Variants in ATP2B2 observed in about 807,000 individuals in gnomAD.
ATP2B2 encodes plasma membrane calcium-transporting ATPase 2.
ATP2B2 carries 15 observed loss-of-function variants against 120.0 expected under a neutral mutation model. The observed-to-expected ratio is 0.12, with a 90% CI of 0.08 to 0.19. The LOEUF is 0.19. ATP2B2 is among the 10% of genes least tolerant of loss of function. ATP2B2 has a pLI of 1.00. For synonymous variants in ATP2B2, 694 were observed against 700.3 expected, an observed-to-expected ratio of 0.99 and a Z score of 0.14; for missense variants, 1,045 against 1,719.8, an observed-to-expected ratio of 0.61 and a Z score of 6.94.
intron 1 of ATP2B2, among the ~76,000 whole-genome samples, chr3:10,473,307 G>A (rs1251982253): frequency 1.3e-5 from 2 of 152,198 alleles, no homozygotes; most frequent in East Asian, 3.8e-4. Context: ...CTCTGCACTT[G>A]CTTCTGTTAG....
rs549144948 is a variant in ATP2B2 at position 10,489,120 on chromosome 3, C to T, written c.-320+16345G>A. Among the ~76,000 whole-genome samples, 85 of 152,336 alleles carry T rather than the reference C, an allele frequency of 5.6e-4. 3 individuals are homozygous for T. The South Asian group carries it at 0.017, about 31-fold the overall frequency. On this transcript the variant is annotated intron_variant, in intron 1 of 22. Transcript: ENST00000360273. ...TGGCCATTCCTTAGTCTGAAACCCTCGCCCCAAACAGCCATGAGGCTCCCT... is the reference window on the plus strand; with the variant it reads ...TGGCCATTCCTTAGTCTGAAACCCTTGCCCCAAACAGCCATGAGGCTCCCT...
chr3:10,449,239 T>C, intron 2 of ATP2B2, 106 bp downstream of exon 2: 1 of 1,288,282 alleles, frequency 7.8e-7, no homozygotes, highest in Non-Finnish European at 1.1e-6. Flanking sequence ...TTTCAGCCTT[T>C]CTCTGACACA....
At chr3:10,669,839 T>C (rs1162937831) in intron 1 of ATP2B2, among the ~76,000 whole-genome samples, 3 of 152,158 alleles carry the variant, frequency 2.0e-5, no homozygotes, top group Non-Finnish European at 2.9e-5. Context: ...AGCTGCTCTG[T>C]AAATTTGTGT....
At chr3:10,602,573 G>C (rs2068953509) in intron 2 of ATP2B2, among the ~76,000 whole-genome samples, 1 of 152,206 alleles carries the variant, frequency 6.6e-6, no homozygotes, top group African/African-American at 2.4e-5. Flanking sequence ...ATCATAGGAT[G>C]ATTTTTATTT....
At chr3:10,594,047 C>T (rs2068704926) in intron 2 of ATP2B2, among the ~76,000 whole-genome samples, 1 of 152,138 alleles carries the variant, frequency 6.6e-6, no homozygotes, top group South Asian at 2.1e-4. Flanking sequence ...GAATGGCGTT[C>T]ATTAAAAAGT....
chr3:10,372,145 G>C (rs1321588145), intron 11 of ATP2B2, 94 bp from the exon 12 acceptor site: 1 of 1,557,898 alleles, frequency 6.4e-7, no homozygotes, highest in African/African-American at 1.4e-5. Context: ...CAGTAAATAA[G>C]GCAGAGCCAC....
At chr3:10,649,619 A>C (rs2125663144) in intron 1 of ATP2B2, among the ~76,000 whole-genome samples, 1 of 152,290 alleles carries the variant, frequency 6.6e-6, no homozygotes, top group South Asian at 2.1e-4. Context: ...GGATGGGTGA[A>C]TGGACAGATG....
chr3:10,585,505 A>AAAAAAAAAAAAAG (rs2068489211), intron 2 of ATP2B2, among the ~76,000 whole-genome samples: 1 of 149,150 alleles, frequency 6.7e-6, no homozygotes, highest in Non-Finnish European at 1.5e-5. Flanking sequence ...AAAAAAAAAA[A>AAAAAAAAAAAAAG]AAAAAAAAAA....
intron 2 of ATP2B2, among the ~76,000 whole-genome samples, chr3:10,606,920 GAGAGAGAGAGAGAGAGA>G (rs2069090318): frequency 3.2e-5 from 2 of 62,152 alleles, no homozygotes; most frequent in Non-Finnish European, 7.0e-5. Context: ...CACAGAGAGA[GAGAGAGAGAGAGAGAGA>G]GGGAGAGGGA....
chr3:10,659,881 TTA>T (rs200275254), intron 1 of ATP2B2, among the ~76,000 whole-genome samples: 33,131 of 151,132 alleles, frequency 0.22, 6,050 homozygotes, highest in African/African-American at 0.5. Context: ...ATAACAGAAA[TTA>T]TATAACAAAC....
intron 2 of ATP2B2, among the ~76,000 whole-genome samples, chr3:10,573,543 G>C (rs1196293116): frequency 6.6e-6 from 1 of 152,122 alleles, no homozygotes; most frequent in Non-Finnish European, 1.5e-5. Flanking sequence ...ATTTCTGGGG[G>C]AGCTTGTTGA....
intron 2 of ATP2B2, among the ~76,000 whole-genome samples, chr3:10,438,936 G>A (rs1347886697): frequency 6.6e-6 from 1 of 152,346 alleles, no homozygotes; most frequent in South Asian, 2.1e-4. Context: ...CTGGGCTTCT[G>A]GGAGCTAGAG....
At chr3:10,630,341 A>T (rs554742231) in intron 1 of ATP2B2, among the ~76,000 whole-genome samples, 1 of 152,006 alleles carries the variant, frequency 6.6e-6, no homozygotes, top group African/African-American at 2.4e-5. Flanking sequence ...AAGAGGTCCC[A>T]GTGTCTGTTG....
chr3:10,360,350 T>A (rs2060862687), intron 12 of ATP2B2, among the ~76,000 whole-genome samples: 1 of 152,236 alleles, frequency 6.6e-6, no homozygotes, highest in East Asian at 1.9e-4. Flanking sequence ...TTAAAAAAAT[T>A]ATGAATTATT....
intron 11 of ATP2B2, among the ~76,000 whole-genome samples, chr3:10,374,608 G>A (rs1022447480): frequency 4.6e-5 from 7 of 152,200 alleles, no homozygotes; most frequent in African/African-American, 1.7e-4. Flanking sequence ...CCTTCGAGGT[G>A]GAGAAAACAT....
At chr3:10,379,479 G>C (rs528158301) in intron 8 of ATP2B2, among the ~76,000 whole-genome samples, 195 bp from the exon 9 acceptor site, 2 of 152,228 alleles carry the variant, frequency 1.3e-5, no homozygotes, top group African/African-American at 4.8e-5. Flanking sequence ...TAGCTGTGGG[G>C]CCTGCCAGCC....
At chr3:10,422,570 G>A (rs531502656) in intron 2 of ATP2B2, among the ~76,000 whole-genome samples, 3 of 152,304 alleles carry the variant, frequency 2.0e-5, no homozygotes. Context: ...GATCCTCCCT[G>A]ATAGCATTTG....
At chr3:10,419,440 C>T (rs1223191798) in intron 2 of ATP2B2, among the ~76,000 whole-genome samples, 1 of 152,196 alleles carries the variant, frequency 6.6e-6, no homozygotes, top group Non-Finnish European at 1.5e-5. Flanking sequence ...TAATGTTACT[C>T]TGGGCCTGGA....
chr3:10,461,527 C>T (rs2064490332), intron 1 of ATP2B2, among the ~76,000 whole-genome samples: 1 of 152,190 alleles, frequency 6.6e-6, no homozygotes, highest in East Asian at 1.9e-4. Context: ...CTGGGTGCGG[C>T]TCAAGGACCC....
Sources: gnomAD v4.1 joint callset for allele counts (sites outside exome capture counted in the v4.1 genomes callset) on GRCh38, gnomAD v4.1.1 for gene constraint, MANE v1.5 for transcripts, NCBI Gene and HGNC (gene_info 2026-07-23, HGNC 2026-07-21) for gene names.